The following TENM1 variants were observed in gnomAD, a reference collection of about 807,000 sequenced individuals.
The protein encoded by TENM1 is teneurin transmembrane protein 1.
TENM1 carries 35 observed loss-of-function variants against 174.8 expected under a neutral mutation model. That is an observed-to-expected ratio of 0.20 (90% CI 0.15 to 0.27). The LOEUF (loss-of-function observed/expected upper bound fraction) is 0.27. Among genes scored for constraint, TENM1 ranks in the 10% least tolerant of loss-of-function variants. The probability of loss-of-function intolerance (pLI) is 1.00; values close to 1 mark genes in which losing one functional copy is unlikely to be tolerated. For synonymous variants in TENM1, 781 were observed against 798.7 expected (o/e 0.98, Z 0.37); for missense variants, 1,633 against 2,130.1 (o/e 0.77, Z 4.59).
Position 124,724,429 on chromosome X carries a change from C to G in TENM1, c.776+12528G>C, listed in dbSNP as rs1569413607. Among the ~76,000 whole-genome samples, 3 of 111,985 alleles carry G rather than the reference C, an allele frequency of 2.7e-5. No individual in the cohort carries two copies. The East Asian group carries it at 8.4e-4, about 31-fold the overall frequency. ...ACATATTGGCAGAGTGTTATGAGAT[C>G]ATAGATAAGGGGTTTCTACATGAAA... is the stretch of plus-strand genomic sequence containing the variant. On this transcript the variant is annotated intron_variant, in intron 4 of 31. Coordinates refer to ENST00000422452, the Ensembl canonical transcript of TENM1.
intron 11 of TENM1, among the ~76,000 whole-genome samples, chrX:124,633,996 T>C (rs1401310662): frequency 8.9e-6 from 1 of 112,253 alleles, no homozygotes; most frequent in African/African-American, 3.2e-5. Flanking sequence ...CAGATGCTTG[T>C]TTTATTTAAC....
intron 14 of TENM1, among the ~76,000 whole-genome samples, chrX:124,554,345 AAGTATC>A (rs1202294317): frequency 9.0e-6 from 1 of 111,632 alleles, no homozygotes; most frequent in African/African-American, 3.3e-5. Flanking sequence ...GACAGATATC[AAGTATC>A]AGTAGCCTTA....
At chrX:124,757,782 T>A (rs993695288) in intron 3 of TENM1, among the ~76,000 whole-genome samples, 1 of 112,637 alleles carries the variant, frequency 8.9e-6, no homozygotes, top group African/African-American at 3.2e-5. Flanking sequence ...TGTTATTTTA[T>A]ATTTTATGGA....
intron 22 of TENM1, among the ~76,000 whole-genome samples, chrX:124,478,152 G>A (rs2046773500): frequency 8.9e-6 from 1 of 112,387 alleles, no homozygotes; most frequent in Non-Finnish European, 1.9e-5. Flanking sequence ...AGGACCCAGT[G>A]TTTAAATGCC....
intron 14 of TENM1, among the ~76,000 whole-genome samples, chrX:124,560,191 TTGTGTGTGTGTGTGTGTGTGTGTGTGTG>T (rs375476919): frequency 2.3e-5 from 2 of 88,210 alleles, no homozygotes; most frequent in African/African-American, 8.4e-5. Flanking sequence ...TCTCTTCTAT[TTGTGTGTGTGTGTGTGTGTGTGTGTGTG>T]TGTGTGTGTG....
chrX:124,473,612 G>A lies in TENM1; in HGVS notation c.3949+8120C>T, dbSNP rs189859912. On this transcript the variant is annotated intron_variant, in intron 22 of 31. Coordinates refer to ENST00000422452, the Ensembl canonical transcript of TENM1. ...CCTCTTCCCACTTTGCAGCTATTCT[G>A]CCATATACCTAGCACCACACTTCTG... 1.2e-3 allele frequency among the ~76,000 whole-genome samples: 138 copies of A among 111,240 alleles called. 1 individual carries two copies. Among genetic ancestry groups the A allele is most frequent in the African/African-American group, 4.3e-3 (132 of 30,613 alleles).
intron 3 of TENM1, among the ~76,000 whole-genome samples, chrX:124,862,196 T>C (rs1485457402): frequency 4.5e-5 from 5 of 111,748 alleles, no homozygotes; most frequent in Non-Finnish European, 9.4e-5. Flanking sequence ...GTGCAAGAAA[T>C]AGGGGGAGGA....
chrX:124,662,621 A>G (rs985101645), intron 6 of TENM1, among the ~76,000 whole-genome samples: 1 of 109,543 alleles, frequency 9.1e-6, no homozygotes, highest in Non-Finnish European at 1.9e-5. Flanking sequence ...TCCACTTACC[A>G]CCTAGGCTAT....
At chrX:124,443,044 A>ATGTGTGTGTGTGTGTGTG (rs59365041) in intron 23 of TENM1, among the ~76,000 whole-genome samples, 11 of 51,954 alleles carry the variant, frequency 2.1e-4, no homozygotes, top group East Asian at 5.0e-4. Context: ...CTGGATGACT[A>ATGTGTGTGTGTGTGTGTG]TGTGTGTGTG....
chrX:124,941,665 A>AT (rs201847165), intron 1 of TENM1, among the ~76,000 whole-genome samples: 1 of 111,667 alleles, frequency 9.0e-6, no homozygotes, highest in Non-Finnish European at 1.9e-5. Flanking sequence ...GAGAATCATT[A>AT]TTTTTCCCCC....
intron 5 of TENM1, among the ~76,000 whole-genome samples, chrX:124,672,849 AGTGT>A (rs1165048098): frequency 3.6e-5 from 4 of 111,780 alleles, no homozygotes; most frequent in Non-Finnish European, 7.5e-5. Flanking sequence ...TGTGATCTGA[AGTGT>A]GTGTGTTTGT....
chrX:124,398,311 T>C (rs921616287), intron 27 of TENM1, among the ~76,000 whole-genome samples: 7 of 109,450 alleles, frequency 6.4e-5, no homozygotes, highest in African/African-American at 2.3e-4. Context: ...TATTTGATTT[T>C]TAGAAATCAA....
At chrX:124,810,580 C>CATGG (rs2055742680) in intron 3 of TENM1, among the ~76,000 whole-genome samples, 1 of 111,567 alleles carries the variant, frequency 9.0e-6, no homozygotes, top group Admixed American at 9.5e-5. Context: ...AGCCTGTGTC[C>CATGG]ATGGATTCAA....
At chrX:125,026,353 C>G in the TENM1 span, among the ~76,000 whole-genome samples, 1 of 110,734 alleles carries the variant, frequency 9.0e-6, no homozygotes, top group Admixed American at 9.6e-5. Flanking sequence ...TAACATACTC[C>G]AAGGAAAAAA....
At chrX:124,652,963 T>A (rs1322350900) in intron 7 of TENM1, among the ~76,000 whole-genome samples, 1 of 111,700 alleles carries the variant, frequency 9.0e-6, no homozygotes, top group Non-Finnish European at 1.9e-5. Context: ...GTCATATCTG[T>A]TGGGGAAAAA....
At chrX:125,085,952 A>C in the TENM1 span, among the ~76,000 whole-genome samples, 1 of 110,699 alleles carries the variant, frequency 9.0e-6, no homozygotes, top group Non-Finnish European at 1.9e-5. Context: ...AGTAAATTCT[A>C]TTTGTTTCTA....
chrX:124,699,070 C>T (rs939068985), intron 5 of TENM1, among the ~76,000 whole-genome samples: 8 of 111,879 alleles, frequency 7.2e-5, no homozygotes, highest in South Asian at 7.3e-4. Context: ...TATAGCTTAA[C>T]GACTTATGCA....
intron 1 of TENM1, among the ~76,000 whole-genome samples, chrX:124,896,560 TC>T (rs1265907908): frequency 9.0e-6 from 1 of 111,613 alleles, no homozygotes. Context: ...TAGAGAGGTG[TC>T]CTTTAAAAGA....
At chrX:124,895,352 C>T (rs2057545268) in intron 2 of TENM1, among the ~76,000 whole-genome samples, 1 of 111,938 alleles carries the variant, frequency 8.9e-6, no homozygotes, top group Admixed American at 9.5e-5. Context: ...AATAAATTAA[C>T]CCCTTTCCAA....
Sources: gnomAD v4.1 joint callset for allele counts (sites outside exome capture counted in the v4.1 genomes callset) on GRCh38, gnomAD v4.1.1 for gene constraint, MANE v1.5 for transcripts, NCBI Gene and HGNC (gene_info 2026-07-23, HGNC 2026-07-21) for gene names.